Variants in FLNC observed in about 807,000 individuals in gnomAD.
The protein encoded by FLNC is filamin C.
Under a neutral mutation model 254.3 loss-of-function variants are expected in FLNC, and 91 were observed. The ratio of observed to expected loss-of-function variants is 0.36; its 90% CI spans 0.30 to 0.43. FLNC has a LOEUF of 0.43. FLNC is among the 20% of genes least tolerant of loss of function. The probability of loss-of-function intolerance (pLI) is 1.00; values close to 1 mark genes in which losing one functional copy is unlikely to be tolerated. For missense variants in FLNC, 2,853 were observed against 3,802.6 expected (o/e 0.75, Z 6.57); for synonymous variants, 1,430 against 1,577.2 (o/e 0.91, Z 2.21).
In FLNC at chr7:128,850,850, G is replaced by A. The variant is rs1198641168; in HGVS notation, c.5446G>A (p.Asp1816Asn). The change falls in exon 33 of 48, where the codon GAC (aspartate) becomes AAC (asparagine). Residue 1816 changes from aspartate (D) to asparagine (N), a missense_variant. Around this residue, in one of 10 missense-constraint regions of FLNC, gnomAD observed 258 missense variants for 312.3 expected, o/e 0.83. Coordinates refer to ENST00000325888, the MANE Select transcript of FLNC (RefSeq NM_001458.5). Reference sequence around the variant, plus strand: ...GAAGACGGCACGGCCCAACATCACCGACAACAAGGACGGCACCATCACGGT... The same window carrying A: ...GAAGACGGCACGGCCCAACATCACCAACAACAAGGACGGCACCATCACGGT... ...SGKTARPNIT[D>N]NKDGTITVRY... 24 of 1,613,586 alleles carry A rather than the reference G, an allele frequency of 1.5e-5. No individual in the cohort carries two copies. The highest frequency in any genetic ancestry group is 2.0e-5 in the Non-Finnish European group (24 of 1,179,998).
rs746733934 is a variant in FLNC at position 128,842,299 on chromosome 7, C to T, written c.2190C>T (p.Tyr730=). 7.4e-6 allele frequency: 12 copies of T among 1,613,854 alleles called. No homozygotes were observed. The highest frequency in any genetic ancestry group is 1.6e-4 in the Middle Eastern group (1 of 6,062). The change falls in exon 14 of 48, where the codon TAC becomes TAT. Residue 730 remains tyrosine, a synonymous_variant. Coordinates refer to ENST00000325888, the MANE Select transcript of FLNC (RefSeq NM_001458.5). This position sits in a 1 kb window ranked among gnomAD's most constrained non-coding sequence, Gnocchi z 5.4. ...GCGACGGCACCTTCCGCTGCTCCTA[C>T]GTGCCCACCAAGCCCATTAAGCACA... The part of the protein sequence containing the change: ...PNGDGTFRCS[Y]VPTKPIKHTI...
chr7:128,853,170 G>T, intron 37 of FLNC, 139 bp downstream of exon 37: 1 of 940,074 alleles, frequency 1.1e-6, no homozygotes. Flanking sequence ...TTCGCATTCT[G>T]GGGCCCCTTG....
At chr7:128,844,553 T>A (rs1808473949) in intron 20 of FLNC, 105 bp from the exon 21 acceptor site, 1 of 1,128,776 alleles carries the variant, frequency 8.9e-7, no homozygotes, top group Non-Finnish European at 1.3e-6. Flanking sequence ...AAGCACTCAG[T>A]CCACAGTAGC....
chr7:128,858,248 G>A lies in FLNC; in HGVS notation c.7990+31G>A, dbSNP rs1487420653. 7.8e-6 allele frequency: 10 copies of A among 1,285,900 alleles called. No individual in the cohort carries two copies. Among genetic ancestry groups the A allele is most frequent in the Non-Finnish European group, 1.1e-5 (10 of 887,254 alleles). 79.7% of individuals were successfully genotyped at this position (1,285,900 alleles called of 1,614,324 possible). On this transcript the variant is annotated intron_variant, in intron 47 of 47. Coordinates refer to ENST00000325888, the MANE Select transcript of FLNC (RefSeq NM_001458.5). This position sits in a 1 kb window ranked among gnomAD's most constrained non-coding sequence, Gnocchi z 6.7. Reference sequence around the variant, plus strand: ...TGGCGGGGGGAGGGCGTCTCCCGGGGTGTGAGCAAGAAGCCGTCAGGGAGC... The same window carrying A: ...TGGCGGGGGGAGGGCGTCTCCCGGGATGTGAGCAAGAAGCCGTCAGGGAGC...
chr7:128,846,973 G>A, intron 24 of FLNC, 68 bp downstream of exon 24: 1 of 1,581,434 alleles, frequency 6.3e-7, no homozygotes, highest in Non-Finnish European at 8.7e-7. Flanking sequence ...GCCCCACAAG[G>A]GGGAAACTGG....
intron 33 of FLNC, 78 bp from the exon 34 acceptor site, chr7:128,851,154 G>T: frequency 6.2e-7 from 1 of 1,605,664 alleles, no homozygotes. Context: ...CAGGGAGGCT[G>T]CTGGAAGGTG....
chr7:128,831,136 C>T (rs1008909265), intron 1 of FLNC, 147 bp downstream of exon 1: 1 of 745,458 alleles, frequency 1.3e-6, no homozygotes, highest in Admixed American at 2.8e-5. Flanking sequence ...GGCCCCGGCC[C>T]TCCCACCCAT....
rs986632110 is a variant in FLNC, at chr7:128,854,689, G to T, written c.6997+7G>T. 3.1e-6 allele frequency: 5 copies of T among 1,612,542 alleles called. No homozygotes were observed. Among genetic ancestry groups the T allele is most frequent in the Non-Finnish European group, 3.4e-6 (4 of 1,179,424 alleles). ...GGTGTGGCCGGCGTGCCAGGTAAGG[G>T]GCAGGTGGCCAGGAGTGGGGATGAA... On this transcript the variant is annotated splice_region_variant and intron_variant, in intron 41 of 47. Coordinates refer to ENST00000325888, the MANE Select transcript of FLNC (RefSeq NM_001458.5).
chr7:128,853,211 C>A (rs1015818043), intron 37 of FLNC, 180 bp downstream of exon 37: 8 of 729,360 alleles, frequency 1.1e-5, no homozygotes, highest in African/African-American at 1.7e-5. Context: ...CATCAGTTCT[C>A]TCCCTTTTAA....
intron 26 of FLNC, 97 bp from the exon 27 acceptor site, chr7:128,848,464 C>T (rs1585163452): frequency 2.3e-6 from 3 of 1,301,406 alleles, no homozygotes; most frequent in Non-Finnish European, 1.1e-6. Context: ...TCCCTCCTGC[C>T]CATGTCTATG....
intron 38 of FLNC, 21 bp from the exon 39 acceptor site, chr7:128,853,694 C>T (rs753393615): frequency 9.3e-6 from 15 of 1,613,970 alleles, no homozygotes; most frequent in Non-Finnish European, 1.3e-5. Flanking sequence ...GTTCCTGACC[C>T]ACCCTTTGTC....
chr7:128,846,496 A>G (rs1180035275), intron 23 of FLNC, 33 bp downstream of exon 23: 1 of 1,598,204 alleles, frequency 6.3e-7, no homozygotes, highest in Non-Finnish European at 8.5e-7. Context: ...TAAATCTGTG[A>G]CCACCCTTTC....
chr7:128,843,144 C>T, intron 16 of FLNC, 85 bp from the exon 17 acceptor site: 1 of 1,433,906 alleles, frequency 7.0e-7, no homozygotes, highest in Non-Finnish European at 9.6e-7. Context: ...TGCTGGGTCC[C>T]CTGGGTGTGT....
rs1208783329 is a variant in FLNC at position 128,846,416 on chromosome 7, G to T, written c.4080G>T (p.Leu1360=). 1 of 1,607,234 alleles carries T rather than the reference G, an allele frequency of 6.2e-7. No homozygotes were observed. Among genetic ancestry groups the T allele is most frequent in the Non-Finnish European group, 8.5e-7 (1 of 1,179,974 alleles). The change falls in exon 23 of 48, where the codon CTG becomes CTT. Residue 1360 remains leucine, a synonymous_variant. Coordinates refer to ENST00000325888, the MANE Select transcript of FLNC (RefSeq NM_001458.5). ...PTRVRAFGPG[L]EGGLVNKANR... The stretch of plus-strand genomic sequence containing the variant: ...GCGTCCGAGCCTTCGGGCCAGGCCT[G>T]GAGGGTGGCTTGGTCAACAAGGCCA...
rs371960827 is a variant in FLNC at position 128,842,570 on chromosome 7, C to T, written c.2266-5C>T. On this transcript the variant is annotated splice_region_variant and splice_polypyrimidine_tract_variant and intron_variant, in intron 14 of 47. Coordinates refer to ENST00000325888, the MANE Select transcript of FLNC (RefSeq NM_001458.5). This position sits in a 1 kb window ranked among gnomAD's most constrained non-coding sequence, Gnocchi z 5.4. ...CACCACGCTGAGCTGCGACCCCTCC[C>T]GCAGGTGAACGTGGGCGAGGGCAGC... 4.0e-5 allele frequency: 62 copies of T among 1,548,870 alleles called. No individual in the cohort carries two copies. The highest frequency in any genetic ancestry group is 2.7e-4 in the African/African-American group (20 of 72,998).
rs1405785497 is a variant in FLNC, at chr7:128,831,109, T to C, written c.352+120T>C. The C allele has an allele frequency of 7.9e-6, 7 of 880,784 alleles. No homozygotes were observed. The Admixed American group carries it at 1.5e-4, about 19-fold the overall frequency. 54.6% of individuals were successfully genotyped at this position (880,784 alleles called of 1,614,324 possible). A position where few individuals can be genotyped will look rare whatever the true frequency, so the allele number is the denominator to read the frequency against. The stretch of plus-strand genomic sequence containing the variant: ...AGACAGGGCGGAGGGCACCCCCCGG[T>C]ATAGAGAGAAGACCCTGGCCCCGGC... On this transcript the variant is annotated intron_variant, in intron 1 of 47. Coordinates refer to ENST00000325888, the MANE Select transcript of FLNC (RefSeq NM_001458.5).
chr7:128,840,424 C>A (rs1808280814), intron 9 of FLNC, 124 bp from the exon 10 acceptor site: 1 of 1,307,762 alleles, frequency 7.6e-7, no homozygotes, highest in Non-Finnish European at 1.1e-6. Flanking sequence ...AGTTGCAGCA[C>A]TGCTCACTAC....
In FLNC at chr7:128,835,542, C is replaced by T; in HGVS notation, c.569C>T (p.Ala190Val). The T allele has an allele frequency of 1.2e-6, 2 of 1,613,488 alleles. No individual in the cohort carries two copies. The highest frequency in any genetic ancestry group is 1.7e-6 in the Non-Finnish European group (2 of 1,180,018). ...AACCGTGACTGGCAGGACGGCAAAG[C>T]TCTGGGCGCCCTGGTGGACAACTGC... ...NFNRDWQDGK[A>V]LGALVDNCAP... Residue 190 changes from alanine to valine, a missense_variant, in exon 2 of 48, where the codon GCT becomes GTT. Ala to Val is a moderately conservative substitution (Grantham distance 64). This residue lies in a region of FLNC where 115 missense variants were observed against 230.3 expected (regional missense o/e 0.50). Transcript: ENST00000325888. The surrounding 1 kb of genome is among the most constrained non-coding windows in gnomAD (Gnocchi z 5.3).
rs1333335386 is a variant in FLNC at position 128,835,642 on chromosome 7, G to A, written c.601+68G>A. 19 of 1,557,686 alleles carry A rather than the reference G, an allele frequency of 1.2e-5. No homozygotes were observed. The Admixed American group carries it at 3.0e-4, about 25-fold the overall frequency. ...AAGACAGAGGGGACAAGCTGGGGCT[G>A]CCAAGGCGTGTGGTTGTCAGAATGC... On this transcript the variant is annotated intron_variant, in intron 2 of 47. Transcript: ENST00000325888. The surrounding 1 kb of genome is among the most constrained non-coding windows in gnomAD (Gnocchi z 5.3).
Sources: allele counts gnomAD v4.1 joint callset, GRCh38; gene constraint gnomAD v4.1.1; regional missense constraint gnomAD v4.1.1; non-coding constraint Gnocchi (gnomAD v3.1); transcripts MANE v1.5; gene names NCBI Gene and HGNC (gene_info 2026-07-23, HGNC 2026-07-21).